Variants in CNOT6L observed in about 807,000 individuals in gnomAD.
The protein encoded by CNOT6L is CCR4-NOT transcription complex subunit 6-like.
In CNOT6L, 7 loss-of-function variants were observed where a neutral mutation model predicts 64.0. That is an observed-to-expected ratio of 0.11 (90% CI 0.06 to 0.21). CNOT6L has a LOEUF of 0.21. CNOT6L is among the 10% of genes least tolerant of loss of function. CNOT6L has a pLI of 1.00. For missense variants in CNOT6L, 245 were observed against 669.0 expected (o/e 0.37, Z 6.99); for synonymous variants, 193 against 243.4 (o/e 0.79, Z 1.93).
intron 1 of CNOT6L, among the ~76,000 whole-genome samples, chr4:77,778,368 A>G (rs937682652): frequency 1.3e-5 from 2 of 151,500 alleles, no homozygotes; most frequent in East Asian, 2.0e-4. Context: ...AAAACACCCT[A>G]AATTTTCAAA....
At chr4:77,767,473 A>T (rs1454206788) in intron 4 of CNOT6L, among the ~76,000 whole-genome samples, 5 of 152,220 alleles carry the variant, frequency 3.3e-5, no homozygotes, top group African/African-American at 1.2e-4. Flanking sequence ...CAATATGCTA[A>T]TTGGTACAAG....
chr4:77,775,443 T>C (rs553198822), intron 2 of CNOT6L, among the ~76,000 whole-genome samples: 2 of 152,306 alleles, frequency 1.3e-5, no homozygotes, highest in South Asian at 4.1e-4. Flanking sequence ...GTAATAATTT[T>C]AGATTTACAG....
At chr4:77,776,452 G>T (rs1728158158) in intron 1 of CNOT6L, 60 bp from the exon 2 acceptor site, 1 of 1,240,664 alleles carries the variant, frequency 8.1e-7, no homozygotes, top group South Asian at 1.4e-5. Context: ...TAAAAAAAGA[G>T]AAAATAGGAT....
At chr4:77,754,918 T>TTTCTAGA (rs1021737030) in intron 5 of CNOT6L, among the ~76,000 whole-genome samples, 4 of 24,528 alleles carry the variant, frequency 1.6e-4, no homozygotes, top group African/African-American at 3.6e-4. Context: ...AAAAAACCGG[T>TTTCTAGA]TTCTAGATAA....
intron 1 of CNOT6L, among the ~76,000 whole-genome samples, chr4:77,783,050 T>A (rs1729045151): frequency 1.3e-5 from 2 of 148,322 alleles, no homozygotes; most frequent in Non-Finnish European, 3.0e-5. Flanking sequence ...TCTTTAATTA[T>A]ACATTCAACT....
intron 1 of CNOT6L, among the ~76,000 whole-genome samples, chr4:77,809,304 G>C (rs984266742): frequency 6.6e-6 from 1 of 151,936 alleles, no homozygotes; most frequent in African/African-American, 2.4e-5. Flanking sequence ...ACATTCCTTG[G>C]TACTCAGTAG....
intron 8 of CNOT6L, among the ~76,000 whole-genome samples, chr4:77,739,388 A>C (rs954301910): frequency 6.6e-6 from 1 of 152,232 alleles, no homozygotes; most frequent in African/African-American, 2.4e-5. Context: ...AGATAAGAAT[A>C]TACAAATGAA....
In CNOT6L at chr4:77,805,667, T is replaced by C. The variant is rs72866645; in HGVS notation, c.5+13637A>G. ...TTAACAGTATTAGTAGAGAAGCATA[T>C]ATATTACTATATCATATTTTGGCAT... On this transcript the variant is annotated intron_variant, in intron 1 of 11. Transcript: ENST00000504123. 5.9e-4 allele frequency among the ~76,000 whole-genome samples: 90 copies of C among 152,326 alleles called. 1 individual carries two copies. Among genetic ancestry groups the C allele is most frequent in the African/African-American group, 2.1e-3 (86 of 41,580 alleles).
upstream of CNOT6L, among the ~76,000 whole-genome samples, chr4:77,820,123 G>C (rs776674718): frequency 6.6e-6 from 1 of 152,172 alleles, no homozygotes; most frequent in Non-Finnish European, 1.5e-5. Flanking sequence ...GCCAGCTTTC[G>C]GTGCCTTCGC....
intron 4 of CNOT6L, among the ~76,000 whole-genome samples, chr4:77,758,543 A>G (rs775094530): frequency 8.5e-5 from 13 of 152,214 alleles, no homozygotes; most frequent in Non-Finnish European, 1.5e-4. Flanking sequence ...TGTCCTCACA[A>G]TTGAGGTTAT....
At chr4:77,814,745 C>A (rs1295016880) in intron 1 of CNOT6L, among the ~76,000 whole-genome samples, 1 of 152,100 alleles carries the variant, frequency 6.6e-6, no homozygotes, top group Non-Finnish European at 1.5e-5. Flanking sequence ...CCCAGAGATC[C>A]CTAACCAAAC....
intron 10 of CNOT6L, among the ~76,000 whole-genome samples, chr4:77,727,427 C>T (rs1007058485): frequency 2.0e-5 from 3 of 151,664 alleles, no homozygotes; most frequent in African/African-American, 7.3e-5. Context: ...ATTAGCTGGG[C>T]GTGGTGGCAT....
intron 1 of CNOT6L, among the ~76,000 whole-genome samples, chr4:77,782,890 A>G (rs1282274549): frequency 6.6e-6 from 1 of 152,150 alleles, no homozygotes. Flanking sequence ...TGCCCCTAGC[A>G]AACTATACTG....
intron 3 of CNOT6L, 99 bp from the exon 4 acceptor site, chr4:77,773,265 T>C (rs1465027455): frequency 7.4e-6 from 5 of 678,164 alleles, no homozygotes; most frequent in Admixed American, 7.0e-5. Flanking sequence ...CTATGAGTGA[T>C]TGTTTATATT....
At chr4:77,819,134 C>T (rs1733999986) in intron 1 of CNOT6L, 170 bp downstream of exon 1, 2 of 1,338,804 alleles carry the variant, frequency 1.5e-6, no homozygotes, top group Non-Finnish European at 2.1e-6. Context: ...CCCCTCCAGT[C>T]ACCCGACACA....
chr4:77,718,190 AAT>A lies in CNOT6L; in HGVS notation c.*2239_*2240del, dbSNP rs1304858201. On this transcript the variant is annotated 3_prime_UTR_variant, in exon 12 of 12. Transcript: ENST00000504123. ...ATATTGGGAGTGAAGTATGGTAGGA[AAT>A]ATTGCTCACATTGCTAATTAACATG... The A allele has an allele frequency of 6.6e-6, 1 of 152,586 alleles. No individual in the cohort carries two copies. The highest frequency in any genetic ancestry group is 1.5e-5 in the Non-Finnish European group (1 of 68,016). The allele number at this position is 152,586 out of a possible 1,614,324, so 9.5% of individuals were successfully genotyped here.
intron 4 of CNOT6L, among the ~76,000 whole-genome samples, chr4:77,762,961 A>G (rs1415982433): frequency 2.6e-5 from 4 of 152,192 alleles, no homozygotes; most frequent in African/African-American, 9.6e-5. Context: ...TCAATTTTTA[A>G]AGTTACTTTA....
At chr4:77,785,051 A>C (rs961774916) in intron 1 of CNOT6L, among the ~76,000 whole-genome samples, 12 of 152,222 alleles carry the variant, frequency 7.9e-5, no homozygotes, top group Non-Finnish European at 1.8e-4. Flanking sequence ...AAACTACAGT[A>C]ATCCAGAGAG....
chr4:77,731,415 T>C lies in CNOT6L; in HGVS notation c.996A>G (p.Leu332=), dbSNP rs750882689. Reference sequence around the variant, plus strand: ...CTCCAAATAGTTCTTTGTGGACCTCTAATACCACAGCGACACCAATGTTAT... The same window carrying C: ...CTCCAAATAGTTCTTTGTGGACCTCCAATACCACAGCGACACCAATGTTAT... The part of the protein sequence containing the change: ...TKDNIGVAVV[L]EVHKELFGAG... The change falls in exon 9 of 12, where the codon TTA becomes TTG. Residue 332 remains leucine, a synonymous_variant. Coordinates refer to ENST00000504123, the MANE Select transcript of CNOT6L (RefSeq NM_144571.3). 1.2e-6 allele frequency: 2 copies of C among 1,612,384 alleles called. No individual in the cohort carries two copies. The highest frequency in any genetic ancestry group is 1.7e-6 in the Non-Finnish European group (2 of 1,179,364).
Sources: allele counts gnomAD v4.1 joint callset (sites outside exome capture counted in the v4.1 genomes callset), GRCh38; gene constraint gnomAD v4.1.1; transcripts MANE v1.5; gene names NCBI Gene and HGNC (gene_info 2026-07-23, HGNC 2026-07-21).